PDHX: variants seen among roughly 807,000 people sequenced by gnomAD.
PDHX encodes pyruvate dehydrogenase protein X component, mitochondrial.
In PDHX, 33 loss-of-function variants were observed where a neutral mutation model predicts 55.3. The observed-to-expected ratio is 0.60, with a 90% CI of 0.45 to 0.80. The LOEUF (loss-of-function observed/expected upper bound fraction) is 0.80. PDHX is among the 30% of genes least tolerant of loss of function. The pLI is 0.00. For missense variants in PDHX, 622 were observed against 619.9 expected, an observed-to-expected ratio of 1.00 and a Z score of -0.04; for synonymous variants, 226 against 219.4, an observed-to-expected ratio of 1.03 and a Z score of -0.27.
At chr11:34,944,412 G>A (rs1854574196) in intron 2 of PDHX, among the ~76,000 whole-genome samples, 1 of 152,108 alleles carries the variant, frequency 6.6e-6, no homozygotes, top group African/African-American at 2.4e-5. Context: ...GAGCCTACAC[G>A]CCTGGCCACC....
chr11:34,953,619 C>T (rs1176099503), intron 3 of PDHX, among the ~76,000 whole-genome samples: 1 of 152,104 alleles, frequency 6.6e-6, no homozygotes, highest in African/African-American at 2.4e-5. Flanking sequence ...ATACAGACAC[C>T]ATCTTGAGGT....
At chr11:34,985,404 G>T (rs1007534027) in intron 9 of PDHX, among the ~76,000 whole-genome samples, 2 of 152,186 alleles carry the variant, frequency 1.3e-5, no homozygotes, top group Non-Finnish European at 2.9e-5. Flanking sequence ...TTGCGCCACC[G>T]TACTCCAGCC....
intron 2 of PDHX, among the ~76,000 whole-genome samples, chr11:34,936,294 T>G (rs2133951280): frequency 6.6e-6 from 1 of 152,330 alleles, no homozygotes; most frequent in Non-Finnish European, 1.5e-5. Flanking sequence ...TGTTTGGGCA[T>G]ATTACTTAAT....
At chr11:34,978,389 A>G (rs1215610246) in intron 8 of PDHX, among the ~76,000 whole-genome samples, 3 of 152,108 alleles carry the variant, frequency 2.0e-5, no homozygotes, top group Non-Finnish European at 4.4e-5. Context: ...CAGGATGAAA[A>G]CCATTTATTC....
In PDHX at chr11:34,931,469, T is replaced by C. The variant is rs1366590987; in HGVS notation, c.226T>C (p.Trp76Arg). ...AATGGAAGAAGGAAACATTGTGAAATGGCTGAAAAAGGAAGGTGAGGAGGT... is the reference window on the plus strand; with the variant it reads ...AATGGAAGAAGGAAACATTGTGAAACGGCTGAAAAAGGAAGGTGAGGAGGT... Reference protein sequence around the residue: ...PTMEEGNIVKWLKKEGEAVSA... With the variant: ...PTMEEGNIVKRLKKEGEAVSA... The change falls in exon 2 of 11, where the codon TGG (tryptophan) becomes CGG (arginine). Residue 76 changes from tryptophan to arginine, a missense_variant. Transcript: ENST00000227868. 1 of 1,599,370 alleles carries C rather than the reference T, an allele frequency of 6.3e-7. No individual in the cohort carries two copies. Among genetic ancestry groups the C allele is most frequent in the Non-Finnish European group, 8.6e-7 (1 of 1,167,562 alleles).
chr11:34,992,980 C>T (rs530443022), intron 10 of PDHX, among the ~76,000 whole-genome samples: 31 of 152,276 alleles, frequency 2.0e-4, no homozygotes, highest in Admixed American at 8.5e-4. Flanking sequence ...ATTCCCATTG[C>T]TCCACATTCT....
At chr11:34,917,612 G>A (rs1453570878) in intron 1 of PDHX, among the ~76,000 whole-genome samples, 2 of 151,946 alleles carry the variant, frequency 1.3e-5, no homozygotes, top group African/African-American at 4.8e-5. Flanking sequence ...ATCGTTCCTG[G>A]CACTCTACAG....
At chr11:34,979,644 T>C (rs1159459994) in intron 8 of PDHX, among the ~76,000 whole-genome samples, 1 of 152,148 alleles carries the variant, frequency 6.6e-6, no homozygotes, top group East Asian at 1.9e-4. Context: ...TCTCTTTTGA[T>C]GAAATATTTT....
intron 2 of PDHX, among the ~76,000 whole-genome samples, chr11:34,941,199 A>G (rs148891122): frequency 1.3e-5 from 2 of 152,282 alleles, no homozygotes; most frequent in East Asian, 3.9e-4. Context: ...AGGTTGCCTC[A>G]GGTCTTTGGC....
upstream of PDHX, chr11:34,915,977 C>T (rs1853671729): frequency 1.7e-6 from 1 of 581,298 alleles, no homozygotes; most frequent in South Asian, 2.1e-5. Context: ...CAGTTATTTG[C>T]TTCTTTCCAA....
chr11:34,971,199 C>A (rs1398293411), intron 7 of PDHX, among the ~76,000 whole-genome samples: 1 of 151,946 alleles, frequency 6.6e-6, no homozygotes, highest in Non-Finnish European at 1.5e-5. Context: ...AATATTTCTT[C>A]CAAAAATCAA....
Position 34,992,290 on chromosome 11 carries a change from CCTATT to C in PDHX, c.1183-22_1183-18del. 7.0e-7 allele frequency: 1 copy of C among 1,432,720 alleles called. No individual in the cohort carries two copies. Among genetic ancestry groups the C allele is most frequent in the Non-Finnish European group, 9.8e-7 (1 of 1,016,160 alleles). The allele number at this position is 1,432,720 out of a possible 1,614,324, so 88.8% of individuals were successfully genotyped here. Reference sequence around the variant, plus strand: ...AACTGTATAACATTTTGTTGGTTGTCCTATTCTGTTTGTATTTTTCTCAGGCTCTA... The same window carrying C: ...AACTGTATAACATTTTGTTGGTTGTCCTGTTTGTATTTTTCTCAGGCTCTA... On this transcript the variant is annotated intron_variant, in intron 9 of 10. Coordinates refer to ENST00000227868, the MANE Select transcript of PDHX (RefSeq NM_003477.3).
At chr11:34,962,330 A>G (rs903662719) in intron 5 of PDHX, among the ~76,000 whole-genome samples, 3 of 152,246 alleles carry the variant, frequency 2.0e-5, no homozygotes, top group Non-Finnish European at 4.4e-5. Flanking sequence ...CATTGTAAGG[A>G]TAAAGTCCAG....
intron 5 of PDHX, among the ~76,000 whole-genome samples, chr11:34,964,344 C>G (rs950468313): frequency 1.3e-5 from 2 of 152,162 alleles, no homozygotes; most frequent in Non-Finnish European, 2.9e-5. Flanking sequence ...TGACTCACAC[C>G]TGTAATCCCA....
intron 1 of PDHX, among the ~76,000 whole-genome samples, chr11:34,922,339 C>G (rs1590726274): frequency 1.3e-5 from 2 of 152,162 alleles, no homozygotes; most frequent in Admixed American, 1.3e-4. Context: ...TAATAAGTAG[C>G]ATTTGTTGAG....
intron 8 of PDHX, among the ~76,000 whole-genome samples, chr11:34,982,317 T>C (rs749062645): frequency 6.6e-6 from 1 of 152,198 alleles, no homozygotes; most frequent in Admixed American, 6.5e-5. Context: ...GTTGTAGATA[T>C]GCCGCATTAT....
chr11:34,921,863 G>A (rs1853888548), intron 1 of PDHX, among the ~76,000 whole-genome samples: 1 of 152,144 alleles, frequency 6.6e-6, no homozygotes, highest in African/African-American at 2.4e-5. Context: ...ATTAGAAGTA[G>A]CCATCACATA....
chr11:34,916,081 G>A, upstream of PDHX: 4 of 1,061,670 alleles, frequency 3.8e-6, no homozygotes, highest in Non-Finnish European at 5.3e-6. Flanking sequence ...CCAAGGTCGC[G>A]GTGCGCCGGG....
chr11:34,987,491 G>T (rs1482153421), intron 9 of PDHX, among the ~76,000 whole-genome samples: 1 of 152,096 alleles, frequency 6.6e-6, no homozygotes, highest in Non-Finnish European at 1.5e-5. Context: ...AAAAGAGAAA[G>T]AAAGTTTATG....
Sources: allele counts gnomAD v4.1 joint callset (sites outside exome capture counted in the v4.1 genomes callset), GRCh38; gene constraint gnomAD v4.1.1; transcripts MANE v1.5; gene names NCBI Gene and HGNC (gene_info 2026-07-23, HGNC 2026-07-21).